The following SDK2 variants were observed in gnomAD, a reference collection of about 807,000 sequenced individuals.
SDK2 encodes the protein sidekick cell adhesion molecule 2, also known as protein sidekick-2.
SDK2 carries 105 observed loss-of-function variants against 253.9 expected under a neutral mutation model. That is an observed-to-expected ratio of 0.41 (90% CI 0.35 to 0.49). The LOEUF is 0.49. Ranked by LOEUF, SDK2 falls within the 20% of genes least tolerant of loss-of-function variation. SDK2 has a pLI of 0.06. For synonymous variants in SDK2, 1,249 were observed against 1,234.9 expected, an observed-to-expected ratio of 1.01 and a Z score of -0.24; for missense variants, 2,608 against 3,003.0, an observed-to-expected ratio of 0.87 and a Z score of 3.07.
intron 1 of SDK2, among the ~76,000 whole-genome samples, chr17:73,527,756 C>T (rs562785922): frequency 6.6e-6 from 1 of 152,256 alleles, no homozygotes; most frequent in South Asian, 2.1e-4. Context: ...CTGTAAGACT[C>T]CAGGGCAGAG....
chr17:73,447,772 CTG>C lies in SDK2; in HGVS notation c.480-26_480-25del, dbSNP rs2063464108. On this transcript the variant is annotated intron_variant, in intron 4 of 44. Transcript: ENST00000392650. This position sits in a 1 kb window ranked among gnomAD's most constrained non-coding sequence, Gnocchi z 4.0. ...CTCTGGGAAGAGGAAAAGGATTCCT[CTG>C]ACAGGGGCCTAAGGGGCTCTGAACC... The C allele has an allele frequency of 2.6e-6, 4 of 1,551,440 alleles. No homozygotes were observed. The Admixed American group carries it at 5.9e-5, about 23-fold the overall frequency.
intron 1 of SDK2, among the ~76,000 whole-genome samples, chr17:73,514,241 C>T (rs2064004593): frequency 6.6e-6 from 1 of 152,078 alleles, no homozygotes; most frequent in Non-Finnish European, 1.5e-5. Context: ...AAATGAAGAG[C>T]GGCCTTCAGA....
chr17:73,404,581 C>T (rs2063055500), intron 18 of SDK2, among the ~76,000 whole-genome samples: 1 of 152,170 alleles, frequency 6.6e-6, no homozygotes, highest in Non-Finnish European at 1.5e-5. Flanking sequence ...TGCACATGGA[C>T]CTACTAAGAG....
chr17:73,644,231 G>A lies in SDK2; in HGVS notation c.-143C>T, dbSNP rs2046435480. Reference sequence around the variant, plus strand: ...CCGTGCCCCGGGGTGTAATATGCCCGGGAGGGGCAGCGCTTGGCTACCCCA... The same window carrying A: ...CCGTGCCCCGGGGTGTAATATGCCCAGGAGGGGCAGCGCTTGGCTACCCCA... On this transcript the variant is annotated 5_prime_UTR_variant, in exon 1 of 45. Transcript: ENST00000392650. The surrounding 1 kb of genome is among the most constrained non-coding windows in gnomAD (Gnocchi z 6.3). 3 of 687,110 alleles carry A rather than the reference G, an allele frequency of 4.4e-6. No individual in the cohort carries two copies. The highest frequency in any genetic ancestry group is 2.4e-5 in the Admixed American group (1 of 42,472). The allele number at this position is 687,110 out of a possible 1,614,324, so 42.6% of individuals were successfully genotyped here.
chr17:73,504,720 GAAA>G (rs59079070), intron 2 of SDK2, among the ~76,000 whole-genome samples: 1 of 150,522 alleles, frequency 6.6e-6, no homozygotes, highest in Non-Finnish European at 1.5e-5. Context: ...CCCTGCAGGA[GAAA>G]AAAAAGTTTT....
At chr17:73,350,969 G>C (rs1000294296) in intron 41 of SDK2, among the ~76,000 whole-genome samples, 179 bp from the exon 42 acceptor site, 5 of 152,160 alleles carry the variant, frequency 3.3e-5, no homozygotes, top group Non-Finnish European at 7.4e-5. Flanking sequence ...CTGATCAGTC[G>C]GTAAAGGGCT....
At chr17:73,590,245 G>A (rs145327260) in intron 1 of SDK2, among the ~76,000 whole-genome samples, 259 of 152,326 alleles carry the variant, frequency 1.7e-3, no homozygotes, top group Non-Finnish European at 3.0e-3. Flanking sequence ...GGGTCAGTTC[G>A]GAATCTGTTA....
rs538570651 is a variant in SDK2 at position 73,525,730 on chromosome 17, C to T, written c.65-18133G>A. Among the ~76,000 whole-genome samples the T allele has an allele frequency of 2.1e-4, 32 of 152,230 alleles. 1 individual carries two copies. Among genetic ancestry groups the T allele is most frequent in the Admixed American group, 2.0e-3 (30 of 15,292 alleles). On this transcript the variant is annotated intron_variant, in intron 1 of 44. Transcript: ENST00000392650. The stretch of plus-strand genomic sequence containing the variant: ...TCCCTCCCTTTTGCACTGGCTCCCC[C>T]ATCCCTGCCTACCCAAGAAGGCTCC...
chr17:73,523,679 C>T (rs1050589356), intron 1 of SDK2, among the ~76,000 whole-genome samples: 1 of 152,102 alleles, frequency 6.6e-6, no homozygotes, highest in Non-Finnish European at 1.5e-5. Flanking sequence ...GCCTACTGGC[C>T]TCCAGAACTG....
chr17:73,382,839 TAAC>T (rs372656877), intron 33 of SDK2, among the ~76,000 whole-genome samples: 5 of 151,258 alleles, frequency 3.3e-5, no homozygotes, highest in South Asian at 2.1e-4. Flanking sequence ...CCGTCTCTAC[TAAC>T]AACAACAACA....
chr17:73,472,079 C>A, intron 3 of SDK2, 33 bp downstream of exon 3: 2 of 1,461,210 alleles, frequency 1.4e-6, no homozygotes, highest in South Asian at 2.5e-5. Context: ...ACCACAGTCG[C>A]CCCCCCTGCC....
chr17:73,511,488 C>CT lies in SDK2; in HGVS notation c.65-3892dup, dbSNP rs2063980105. ...GGGGTGCCAGCCTGCAGCAGAATGA[C>CT]TTTTGCTTGGATGGGTTGACTCCAG... On this transcript the variant is annotated intron_variant, in intron 1 of 44. Coordinates refer to ENST00000392650, the MANE Select transcript of SDK2 (RefSeq NM_001144952.2). The surrounding 1 kb of genome is among the most constrained non-coding windows in gnomAD (Gnocchi z 4.9). Among the ~76,000 whole-genome samples the CT allele has an allele frequency of 6.6e-6, 1 of 152,206 alleles. No individual in the cohort carries two copies. The highest frequency in any genetic ancestry group is 1.5e-5 in the Non-Finnish European group (1 of 68,032).
chr17:73,512,805 G>A (rs866290753), intron 1 of SDK2, among the ~76,000 whole-genome samples: 2 of 152,140 alleles, frequency 1.3e-5, no homozygotes, highest in Non-Finnish European at 2.9e-5. Flanking sequence ...AAATACATAC[G>A]AGGAAATTTA....
chr17:73,535,092 C>T (rs974277906), intron 1 of SDK2, among the ~76,000 whole-genome samples: 2 of 152,156 alleles, frequency 1.3e-5, no homozygotes, highest in Admixed American at 1.3e-4. Context: ...CAGAAGACAC[C>T]GCCAATCCCC....
intron 1 of SDK2, among the ~76,000 whole-genome samples, chr17:73,549,448 T>C (rs2045020200): frequency 6.6e-6 from 1 of 152,174 alleles, no homozygotes; most frequent in Admixed American, 6.5e-5. Flanking sequence ...AAACCATTCC[T>C]GGAGCACCTG....
chr17:73,564,426 C>A (rs1488765068), intron 1 of SDK2, among the ~76,000 whole-genome samples: 2 of 152,170 alleles, frequency 1.3e-5, no homozygotes, highest in Non-Finnish European at 2.9e-5. Flanking sequence ...AGCCCCTGGG[C>A]TGTGTCGTCA....
At chr17:73,349,180 C>T (rs571837243) in intron 43 of SDK2, among the ~76,000 whole-genome samples, 23 of 152,288 alleles carry the variant, frequency 1.5e-4, no homozygotes, top group Admixed American at 1.0e-3. Flanking sequence ...GCCAGCCTGG[C>T]GGGGCTGCTA....
intron 37 of SDK2, among the ~76,000 whole-genome samples, chr17:73,366,573 G>T (rs2145433065): frequency 6.6e-6 from 1 of 152,250 alleles, no homozygotes; most frequent in African/African-American, 2.4e-5. Flanking sequence ...GGGAGGCCGG[G>T]GCAAAAGGCC....
chr17:73,387,419 C>G (rs1382326193), intron 30 of SDK2, among the ~76,000 whole-genome samples: 1 of 152,104 alleles, frequency 6.6e-6, no homozygotes, highest in Non-Finnish European at 1.5e-5. Context: ...TCAAAACTCC[C>G]GGTCACATCA....
Sources: gnomAD v4.1 joint callset for allele counts (sites outside exome capture counted in the v4.1 genomes callset) on GRCh38, gnomAD v4.1.1 for gene constraint, Gnocchi (gnomAD v3.1) non-coding constraint, MANE v1.5 for transcripts, NCBI Gene and HGNC (gene_info 2026-07-23, HGNC 2026-07-21) for gene names.